Variants in CNBD1 observed in about 807,000 individuals in gnomAD.
CNBD1 encodes the protein cyclic nucleotide binding domain containing 1, also known as cyclic nucleotide-binding domain-containing protein 1.
In CNBD1, 71 loss-of-function variants were observed where a neutral mutation model predicts 54.4. The observed-to-expected ratio is 1.30, with a 90% CI of 1.08 to 1.59. The LOEUF (loss-of-function observed/expected upper bound fraction) is 1.59, where lower values mean the gene tolerates loss of function less well. Among genes scored for constraint, CNBD1 ranks in the 40% most tolerant of loss-of-function variants. The pLI is 0.00. For missense variants in CNBD1, 659 were observed against 518.0 expected, an observed-to-expected ratio of 1.27 and a Z score of -2.64; for synonymous variants, 182 against 170.7, an observed-to-expected ratio of 1.07 and a Z score of -0.51.
chr8:87,356,054 C>A (rs1292504948), intron 10 of CNBD1, among the ~76,000 whole-genome samples: 1 of 152,102 alleles, frequency 6.6e-6, no homozygotes, highest in Non-Finnish European at 1.5e-5. Flanking sequence ...TGAATAAAAC[C>A]TTCCTGAGTC....
chr8:86,923,421 G>C (rs1373345452), intron 3 of CNBD1, among the ~76,000 whole-genome samples: 4 of 152,142 alleles, frequency 2.6e-5, no homozygotes, highest in Non-Finnish European at 5.9e-5. Context: ...TTTGATCCTT[G>C]CTACTTGGGC....
At chr8:87,040,633 C>G (rs1472720424) in intron 4 of CNBD1, among the ~76,000 whole-genome samples, 1 of 151,574 alleles carries the variant, frequency 6.6e-6, no homozygotes, top group African/African-American at 2.4e-5. Flanking sequence ...ATGGTGTTAG[C>G]CAGGATGGTC....
intron 4 of CNBD1, among the ~76,000 whole-genome samples, chr8:87,176,029 A>G (rs1466547049): frequency 2.0e-5 from 3 of 152,206 alleles, no homozygotes; most frequent in African/African-American, 7.2e-5. Context: ...AGGTCTCACA[A>G]TCACTGCACT....
intron 4 of CNBD1, among the ~76,000 whole-genome samples, chr8:86,947,105 C>T (rs1456866069): frequency 9.2e-5 from 14 of 152,100 alleles, no homozygotes; most frequent in Non-Finnish European, 8.8e-5. Context: ...TCACTGTTCT[C>T]AGTCAAACCC....
At chr8:87,171,448 T>TAA (rs199530874) in intron 4 of CNBD1, among the ~76,000 whole-genome samples, 1 of 150,930 alleles carries the variant, frequency 6.6e-6, no homozygotes, top group Non-Finnish European at 1.5e-5. Flanking sequence ...ATTTTATCTT[T>TAA]AAAAAAAAAC....
intron 8 of CNBD1, among the ~76,000 whole-genome samples, chr8:87,306,605 A>T (rs1288884064): frequency 6.6e-6 from 1 of 152,190 alleles, no homozygotes; most frequent in East Asian, 1.9e-4. Context: ...AGTTAACAGC[A>T]TTTGTAGTGA....
chr8:87,277,401 A>T (rs751775644), intron 6 of CNBD1, among the ~76,000 whole-genome samples: 1 of 151,790 alleles, frequency 6.6e-6, no homozygotes, highest in East Asian at 1.9e-4. Context: ...TACCAATTTA[A>T]ATCAGAACTC....
At chr8:86,880,572 A>G (rs999562422) in intron 1 of CNBD1, among the ~76,000 whole-genome samples, 1 of 152,174 alleles carries the variant, frequency 6.6e-6, no homozygotes, top group African/African-American at 2.4e-5. Flanking sequence ...TCCTAGAACC[A>G]ACACCCCATG....
intron 4 of CNBD1, among the ~76,000 whole-genome samples, chr8:86,982,801 T>A (rs1212376498): frequency 6.6e-6 from 1 of 152,184 alleles, no homozygotes; most frequent in Non-Finnish European, 1.5e-5. Flanking sequence ...ATTAGAATCC[T>A]CTTGATGATT....
intron 4 of CNBD1, among the ~76,000 whole-genome samples, chr8:87,127,493 T>C (rs1162831332): frequency 6.6e-6 from 1 of 152,198 alleles, no homozygotes; most frequent in Admixed American, 6.5e-5. Context: ...GATTTATGTG[T>C]ATTAATCTTG....
At chr8:87,145,431 G>T (rs886096826) in intron 4 of CNBD1, among the ~76,000 whole-genome samples, 1 of 151,932 alleles carries the variant, frequency 6.6e-6, no homozygotes, top group Non-Finnish European at 1.5e-5. Flanking sequence ...TTTAAAATAC[G>T]TATTTTGGAA....
At chr8:87,162,688 G>A (rs1192179534) in intron 4 of CNBD1, among the ~76,000 whole-genome samples, 1 of 152,078 alleles carries the variant, frequency 6.6e-6, no homozygotes, top group African/African-American at 2.4e-5. Flanking sequence ...GGTGCTGCCT[G>A]GTGAAGGCCT....
chr8:87,369,802 CGCCATGCTGGTGT>C (rs964152030), intron 10 of CNBD1, among the ~76,000 whole-genome samples: 1 of 151,272 alleles, frequency 6.6e-6, no homozygotes, highest in African/African-American at 2.4e-5. Context: ...TGTATACATG[CGCCATGCTGGTGT>C]GCTGCACCCA....
At chr8:87,276,861 A>T (rs1808491071) in intron 6 of CNBD1, among the ~76,000 whole-genome samples, 1 of 151,810 alleles carries the variant, frequency 6.6e-6, no homozygotes, top group Admixed American at 6.6e-5. Flanking sequence ...AATAGAACTT[A>T]CAGGAACCTT....
intron 4 of CNBD1, among the ~76,000 whole-genome samples, chr8:87,087,273 A>G (rs1408000061): frequency 1.4e-5 from 2 of 143,790 alleles, no homozygotes; most frequent in East Asian, 4.0e-4. Context: ...ATATATATAT[A>G]CGTATATATA....
chr8:87,058,824 T>C (rs758273754), intron 4 of CNBD1, among the ~76,000 whole-genome samples: 7 of 152,204 alleles, frequency 4.6e-5, no homozygotes, highest in African/African-American at 7.2e-5. Flanking sequence ...GCAAACATTT[T>C]CCCTATTGTT....
At chr8:87,368,258 G>T (rs571003448) in intron 10 of CNBD1, among the ~76,000 whole-genome samples, 1 of 152,036 alleles carries the variant, frequency 6.6e-6, no homozygotes, top group Non-Finnish European at 1.5e-5. Context: ...ATTTGTTCTT[G>T]ATTGAACGCT....
At chr8:87,109,187 T>C (rs918254566) in intron 4 of CNBD1, among the ~76,000 whole-genome samples, 3 of 152,092 alleles carry the variant, frequency 2.0e-5, no homozygotes, top group African/African-American at 7.2e-5. Flanking sequence ...TGTTTCTTAT[T>C]GAGGGAAAAA....
At chr8:87,175,304 A>G (rs1383577034) in intron 4 of CNBD1, among the ~76,000 whole-genome samples, 2 of 152,182 alleles carry the variant, frequency 1.3e-5, no homozygotes, top group African/African-American at 4.8e-5. Context: ...TTTCTTAAGC[A>G]GAAGGAGTCT....
Sources: allele counts gnomAD v4.1 joint callset (sites outside exome capture counted in the v4.1 genomes callset), GRCh38; gene constraint gnomAD v4.1.1; transcripts MANE v1.5; gene names NCBI Gene and HGNC (gene_info 2026-07-23, HGNC 2026-07-21).